MACF1: variants seen among roughly 807,000 people sequenced by gnomAD.
The protein encoded by MACF1 is microtubule-actin cross-linking factor 1.
MACF1 carries 193 observed loss-of-function variants against 854.8 expected under a neutral mutation model. That is an observed-to-expected ratio of 0.23 (90% CI 0.20 to 0.25). The LOEUF is 0.25. Ranked by LOEUF, MACF1 falls within the 10% of genes least tolerant of loss-of-function variation. MACF1 has a pLI of 1.00. For missense variants in MACF1, 7,722 were observed against 8,929.1 expected, an observed-to-expected ratio of 0.86 and a Z score of 5.45; for synonymous variants, 3,185 against 3,226.7, an observed-to-expected ratio of 0.99 and a Z score of 0.44.
intron 2 of MACF1, among the ~76,000 whole-genome samples, chr1:39,164,923 C>T (rs1033430961): frequency 1.3e-5 from 2 of 152,210 alleles, no homozygotes; most frequent in Non-Finnish European, 2.9e-5. Context: ...AAATCAGCTT[C>T]TGTTATGTGG....
chr1:39,146,931 G>A (rs934486383), intron 2 of MACF1, among the ~76,000 whole-genome samples: 4 of 152,156 alleles, frequency 2.6e-5, no homozygotes, highest in Non-Finnish European at 5.9e-5. Flanking sequence ...TTGCATGCCT[G>A]TATGAAAATA....
At chr1:39,206,647 C>T (rs1644453908) in intron 1 of MACF1, 1 of 151,948 alleles carries the variant, frequency 6.6e-6, no homozygotes. Flanking sequence ...TATGAAACAA[C>T]TTTGATTCTA....
intron 2 of MACF1, among the ~76,000 whole-genome samples, chr1:39,163,595 A>G (rs1179570224): frequency 6.6e-6 from 1 of 152,186 alleles, no homozygotes; most frequent in Non-Finnish European, 1.5e-5. Flanking sequence ...GTGACTACTG[A>G]GAAAGAACAT....
chr1:39,420,734 C>A (rs1359931623), intron 58 of MACF1, among the ~76,000 whole-genome samples: 1 of 152,050 alleles, frequency 6.6e-6, no homozygotes, highest in Non-Finnish European at 1.5e-5. Flanking sequence ...TTATTTTTGT[C>A]CTCTTCCATT....
At chr1:39,452,023 A>T in intron 85 of MACF1, 133 bp from the exon 86 acceptor site, 1 of 746,518 alleles carries the variant, frequency 1.3e-6, no homozygotes, top group Non-Finnish European at 2.1e-6. Context: ...GTTTTTTCTT[A>T]TGCATTGCTC....
intron 2 of MACF1, among the ~76,000 whole-genome samples, chr1:39,178,016 T>C (rs1444989902): frequency 6.6e-6 from 1 of 151,898 alleles, no homozygotes; most frequent in Non-Finnish European, 1.5e-5. Context: ...CCGCAGAATC[T>C]GGGCTGTCAG....
rs759847951 is a variant in MACF1, at chr1:39,340,858, G to A, written c.10486G>A (p.Ala3496Thr). 1.2e-6 allele frequency: 2 copies of A among 1,614,030 alleles called. No homozygotes were observed. Among genetic ancestry groups the A allele is most frequent in the South Asian group, 2.2e-5 (2 of 91,036 alleles). The change falls in exon 40 of 101, where the codon GCC (alanine) becomes ACC (threonine). Residue 3496 changes from alanine (A) to threonine (T), a missense_variant. Physicochemically the swap from Ala to Thr is moderately conservative, Grantham distance 58. Around this residue, in one of 15 missense-constraint regions of MACF1, gnomAD observed 854 missense variants for 852.6 expected, o/e 1.00. Coordinates refer to ENST00000564288, the MANE Select transcript of MACF1 (RefSeq NM_001394062.1). Reference protein sequence around the residue: ...QLEGRLQDLRAWVGNKNLILN... With the variant: ...QLEGRLQDLRTWVGNKNLILN... Reference sequence around the variant, plus strand: ...AGAAGGCCGACTTCAAGATCTGAGAGCCTGGGTTGGCAATAAAAATCTTAT... The same window carrying A: ...AGAAGGCCGACTTCAAGATCTGAGAACCTGGGTTGGCAATAAAAATCTTAT...
chr1:39,183,218 A>G (rs1294828175), intron 2 of MACF1, among the ~76,000 whole-genome samples: 1 of 152,190 alleles, frequency 6.6e-6, no homozygotes, highest in Non-Finnish European at 1.5e-5. Context: ...AGTGACTGCT[A>G]ATTGATATAG....
rs1646414127 is a variant in MACF1, at chr1:39,316,511, C to T, written c.3570C>T (p.Ala1190=). Residue 1190 remains alanine (A), a synonymous_variant, in exon 28 of 101, where the codon GCC becomes GCT. Coordinates refer to ENST00000564288, the MANE Select transcript of MACF1 (RefSeq NM_001394062.1). ...TGGCAGATCTCTCAGCTCTGGAGGC[C>T]CATTGGTCGACATTACGGGTGAGTT... The part of the protein sequence containing the change: ...VVLADLSALE[A]HWSTLRHWLS... 1 of 1,613,006 alleles carries T rather than the reference C, an allele frequency of 6.2e-7. No individual in the cohort carries two copies. The highest frequency in any genetic ancestry group is 8.5e-7 in the Non-Finnish European group (1 of 1,179,372).
intron 6 of MACF1, among the ~76,000 whole-genome samples, chr1:39,267,009 G>T (rs926289351): frequency 6.6e-6 from 1 of 152,150 alleles, no homozygotes; most frequent in Non-Finnish European, 1.5e-5. Flanking sequence ...CTCTTTGATT[G>T]AGCTCTTGGT....
At chr1:39,302,452 G>A (rs988922099) in intron 22 of MACF1, among the ~76,000 whole-genome samples, 1 of 152,324 alleles carries the variant, frequency 6.6e-6, no homozygotes, top group South Asian at 2.1e-4. Context: ...GTAAGTTAGG[G>A]ATAATAGTCT....
rs904309021 is a variant in MACF1 at position 39,369,218 on chromosome 1, T to C, written c.12939-812T>C. On this transcript the variant is annotated intron_variant, in intron 50 of 100. Coordinates refer to ENST00000564288, the MANE Select transcript of MACF1 (RefSeq NM_001394062.1). ...TTCTTTCAAGGCAAACAAGGGAATA[T>C]ATGACAAGGCTGGCTGATTTTGGTC... 2.0e-5 allele frequency among the ~76,000 whole-genome samples: 3 copies of C among 152,154 alleles called. No individual in the cohort carries two copies. The South Asian group carries it at 6.2e-4, about 32-fold the overall frequency.
At chr1:39,106,582 T>C (rs1642244705) in intron 2 of MACF1, among the ~76,000 whole-genome samples, 1 of 152,182 alleles carries the variant, frequency 6.6e-6, no homozygotes, top group Non-Finnish European at 1.5e-5. Context: ...CTGGCAGTTA[T>C]GCTTTCCACA....
intron 66 of MACF1, among the ~76,000 whole-genome samples, chr1:39,431,289 G>GAACTAT (rs1643871998): frequency 6.6e-6 from 1 of 151,858 alleles, no homozygotes; most frequent in African/African-American, 2.4e-5. Context: ...GAGGGGGAAG[G>GAACTAT]AATTACTATC....
intron 2 of MACF1, among the ~76,000 whole-genome samples, chr1:39,248,284 A>G (rs1645004002): frequency 6.6e-6 from 1 of 151,824 alleles, no homozygotes; most frequent in East Asian, 1.9e-4. Context: ...TCCAGTTTCC[A>G]TTCTTATCCT....
intron 60 of MACF1, among the ~76,000 whole-genome samples, chr1:39,423,628 C>T (rs1394043691): frequency 2.6e-5 from 3 of 114,344 alleles, no homozygotes; most frequent in Non-Finnish European, 5.3e-5. Context: ...GAGCGAGACT[C>T]TGTCTCAAAA....
intron 58 of MACF1, among the ~76,000 whole-genome samples, chr1:39,408,595 T>A (rs1043820439): frequency 2.7e-5 from 4 of 149,216 alleles, no homozygotes; most frequent in Admixed American, 6.6e-5. Flanking sequence ...CTGGATTCGT[T>A]CGCCTTTGGG....
chr1:39,199,965 GCT>G (rs1644369313), upstream of MACF1, among the ~76,000 whole-genome samples: 1 of 152,080 alleles, frequency 6.6e-6, no homozygotes, highest in African/African-American at 2.4e-5. Context: ...ACCCTACATT[GCT>G]CTCTCTGCTC....
At chr1:39,244,054 C>T (rs1644953842) in intron 2 of MACF1, among the ~76,000 whole-genome samples, 1 of 151,888 alleles carries the variant, frequency 6.6e-6, no homozygotes, top group Admixed American at 6.6e-5. Flanking sequence ...TTCTCCTCTC[C>T]CATTACCTCT....
Sources: gnomAD v4.1 joint callset for allele counts (sites outside exome capture counted in the v4.1 genomes callset) on GRCh38, gnomAD v4.1.1 for gene constraint, gnomAD v4.1.1 regional missense constraint, MANE v1.5 for transcripts, NCBI Gene and HGNC (gene_info 2026-07-23, HGNC 2026-07-21) for gene names.